Variants in CHD1 observed in about 807,000 individuals in gnomAD.
CHD1 encodes ATP-dependent chromatin remodeler CHD1.
In CHD1, 36 loss-of-function variants were observed where a neutral mutation model predicts 224.2. The observed-to-expected ratio is 0.16, with a 90% CI of 0.12 to 0.21. The LOEUF (loss-of-function observed/expected upper bound fraction) is 0.21, where lower values mean the gene tolerates loss of function less well. Among genes scored for constraint, CHD1 ranks in the 10% least tolerant of loss-of-function variants. The pLI is 1.00. For missense variants in CHD1, 1,378 were observed against 1,994.8 expected (o/e 0.69, Z 5.89); for synonymous variants, 668 against 658.3 (o/e 1.01, Z -0.23).
chr5:98,864,312 G>A (rs1251097149), intron 31 of CHD1, among the ~76,000 whole-genome samples: 1 of 151,958 alleles, frequency 6.6e-6, no homozygotes, highest in Admixed American at 6.6e-5. Flanking sequence ...CAGAAAGCAA[G>A]CTGGTTTAGT....
rs868168207 is a variant in CHD1 at position 98,911,152 on chromosome 5, T to A, written c.54-6054A>T. Among the ~76,000 whole-genome samples the A allele has an allele frequency of 7.2e-3, 769 of 106,358 alleles. 8 individuals carry two copies. The highest frequency in any genetic ancestry group is 0.013 in the African/African-American group (306 of 23,554). 69.8% of individuals were successfully genotyped at this position (106,358 alleles called of 152,430 possible). A position where few individuals can be genotyped will look rare whatever the true frequency, so the allele number is the denominator to read the frequency against. ...AATGAAAAAAAAAAAAAAAAATATA[T>A]ATATATATATATATATATATATATA... On this transcript the variant is annotated intron_variant, in intron 2 of 35. Transcript: ENST00000614616.
At chr5:98,913,303 T>A (rs1752538976) in intron 2 of CHD1, among the ~76,000 whole-genome samples, 1 of 152,084 alleles carries the variant, frequency 6.6e-6, no homozygotes, top group Non-Finnish European at 1.5e-5. Flanking sequence ...AGATCCCATC[T>A]CTACAAAAAA....
Position 98,893,594 on chromosome 5 carries a change from C to A in CHD1, c.1813G>T (p.Gly605Cys), listed in dbSNP as rs765761471. ...ACACCTATAAATGCCCAATTTAGAC[C>A]TCCAAGGAATGCCTTAAAATAATAG... ...ILLKDKAFLG[G>C]LNWAFIGVDE... The change falls in exon 14 of 36, where the codon GGT becomes TGT. Residue 605 changes from glycine to cysteine, a missense_variant. Coordinates refer to ENST00000614616, the MANE Select transcript of CHD1 (RefSeq NM_001270.4). 6.3e-7 allele frequency: 1 copy of A among 1,586,764 alleles called. No individual in the cohort carries two copies. Among genetic ancestry groups the A allele is most frequent in the South Asian group, 1.2e-5 (1 of 85,818 alleles).
chr5:98,866,659 G>T (rs17166414), intron 31 of CHD1, among the ~76,000 whole-genome samples: 9,909 of 152,066 alleles, frequency 0.065, 333 homozygotes, highest in African/African-American at 0.088. Context: ...AAAAGATTCA[G>T]ATGCTAGAAA....
At position 98,855,419 on chromosome 5, in the gene CHD1, C is replaced by T. The variant is rs1178291215; in HGVS notation, c.*961G>A. The T allele has an allele frequency of 6.6e-6, 1 of 152,420 alleles. No homozygotes were observed. Among genetic ancestry groups the T allele is most frequent in the Non-Finnish European group, 1.5e-5 (1 of 67,978 alleles). 9.4% of individuals were successfully genotyped at this position (152,420 alleles called of 1,614,324 possible). A position where few individuals can be genotyped will look rare whatever the true frequency, so the allele number is the denominator to read the frequency against. On this transcript the variant is annotated 3_prime_UTR_variant, in exon 36 of 36. Coordinates refer to ENST00000614616, the MANE Select transcript of CHD1 (RefSeq NM_001270.4). ...TTCTGAAAAGTGTTTATACACCTAC[C>T]CTTTTAAACCAGATGCATCTGAAAA... is the stretch of plus-strand genomic sequence containing the variant.
rs1554074391 is a variant in CHD1 at position 98,869,622 on chromosome 5, G to GCGCGCACACACA, written c.4107+131_4107+132insTGTGTGTGCGCG. On this transcript the variant is annotated intron_variant, in intron 30 of 35. Transcript: ENST00000614616. ...TATAAGTGCGTGCGCACGTGCGCGC[G>GCGCGCACACACA]CACACACACACACACACACACACAC... is the stretch of plus-strand genomic sequence containing the variant. 5.6e-6 allele frequency: 4 copies of GCGCGCACACACA among 717,984 alleles called. No homozygotes were observed. In the African/African-American group the frequency reaches 7.8e-5, roughly 14 times the overall value. 44.5% of individuals were successfully genotyped at this position (717,984 alleles called of 1,614,324 possible). A position where few individuals can be genotyped will look rare whatever the true frequency, so the allele number is the denominator to read the frequency against.
At chr5:98,857,001 T>G (rs1748084033) in intron 35 of CHD1, among the ~76,000 whole-genome samples, 1 of 152,144 alleles carries the variant, frequency 6.6e-6, no homozygotes, top group South Asian at 2.1e-4. Context: ...CTGCTTTTTA[T>G]TTTACACATC....
intron 2 of CHD1, among the ~76,000 whole-genome samples, chr5:98,918,169 C>A (rs1330236332): frequency 6.6e-6 from 1 of 151,710 alleles, no homozygotes; most frequent in Admixed American, 6.6e-5. Context: ...GCCATTCTCC[C>A]GCCTCAGCCT....
intron 7 of CHD1, 41 bp from the exon 8 acceptor site, chr5:98,899,746 T>C (rs922346841): frequency 2.2e-6 from 3 of 1,389,174 alleles, no homozygotes; most frequent in Non-Finnish European, 3.0e-6. Context: ...TAATTAATTC[T>C]GTTGTAGGAT....
At chr5:98,866,680 G>C (rs961549770) in intron 31 of CHD1, among the ~76,000 whole-genome samples, 2 of 151,876 alleles carry the variant, frequency 1.3e-5, no homozygotes, top group African/African-American at 4.8e-5. Context: ...TCTCTAAAAA[G>C]GAAATATAGG....
Position 98,870,817 on chromosome 5 carries a change from A to T in CHD1, c.3862-14T>A. 1 of 1,537,618 alleles carries T rather than the reference A, an allele frequency of 6.5e-7. No homozygotes were observed. Among genetic ancestry groups the T allele is most frequent in the Non-Finnish European group, 9.0e-7 (1 of 1,116,064 alleles). On this transcript the variant is annotated splice_polypyrimidine_tract_variant and intron_variant, in intron 28 of 35. Transcript: ENST00000614616. ...ATCTGGAAGAATCTGAAAAAGCAAT[A>T]AATTTTTTCAGATTGTCTTAATAAA...
chr5:98,884,311 T>C (rs1201611694), intron 18 of CHD1, among the ~76,000 whole-genome samples: 2 of 152,004 alleles, frequency 1.3e-5, no homozygotes, highest in Non-Finnish European at 2.9e-5. Flanking sequence ...CCTGACCTCA[T>C]GATCCGCCCG....
chr5:98,918,681 T>C (rs551569944), intron 2 of CHD1, among the ~76,000 whole-genome samples: 66 of 144,448 alleles, frequency 4.6e-4, no homozygotes, highest in African/African-American at 1.7e-3. Flanking sequence ...GGCAGGAGAA[T>C]CACTTGTTGG....
intron 2 of CHD1, among the ~76,000 whole-genome samples, chr5:98,911,701 G>T (rs547096281): frequency 6.6e-6 from 1 of 152,086 alleles, no homozygotes; most frequent in South Asian, 2.1e-4. Flanking sequence ...AGCCTGGTAC[G>T]CAGAGTAAGG....
At chr5:98,907,249 G>C (rs565458389) in intron 2 of CHD1, among the ~76,000 whole-genome samples, 2 of 152,274 alleles carry the variant, frequency 1.3e-5, no homozygotes, top group African/African-American at 4.8e-5. Context: ...TAGAAATACT[G>C]AATAAAGTAT....
intron 2 of CHD1, among the ~76,000 whole-genome samples, chr5:98,918,545 G>A (rs1384058478): frequency 5.3e-5 from 8 of 150,374 alleles, no homozygotes; most frequent in Admixed American, 3.3e-4. Flanking sequence ...CAAGGCGGGC[G>A]GATCACGAGG....
At chr5:98,908,401 C>G (rs188382500) in intron 2 of CHD1, among the ~76,000 whole-genome samples, 11 of 152,190 alleles carry the variant, frequency 7.2e-5, no homozygotes, top group African/African-American at 2.7e-4. Context: ...TGGTTATGAG[C>G]AAACGATGTA....
At chr5:98,877,065 T>C (rs1749815111) in intron 23 of CHD1, among the ~76,000 whole-genome samples, 2 of 152,162 alleles carry the variant, frequency 1.3e-5, no homozygotes, top group South Asian at 4.1e-4. Context: ...TCCAGCTACA[T>C]GAGAGGCTGA....
intron 15 of CHD1, among the ~76,000 whole-genome samples, chr5:98,890,880 G>T (rs1750972067): frequency 6.6e-6 from 1 of 152,054 alleles, no homozygotes; most frequent in Non-Finnish European, 1.5e-5. Flanking sequence ...TAACAAAAAA[G>T]AAGTACCTAT....
Sources: allele counts gnomAD v4.1 joint callset (sites outside exome capture counted in the v4.1 genomes callset), GRCh38; gene constraint gnomAD v4.1.1; transcripts MANE v1.5; gene names NCBI Gene and HGNC (gene_info 2026-07-23, HGNC 2026-07-21).